NME8: variants seen among roughly 807,000 people sequenced by gnomAD.
NME8 encodes protein NME8.
NME8 carries 72 observed loss-of-function variants against 82.3 expected under a neutral mutation model. The observed-to-expected ratio is 0.87, with a 90% CI of 0.72 to 1.06. The LOEUF (loss-of-function observed/expected upper bound fraction) is 1.06. NME8 is among the 50% of genes least tolerant of loss of function. The pLI is 0.00. For missense variants in NME8, 712 were observed against 685.4 expected (o/e 1.04, Z -0.43); for synonymous variants, 267 against 228.5 (o/e 1.17, Z -1.52).
Position 37,850,404 on chromosome 7 carries a change from G to A in NME8, c.60G>A (p.Trp20Ter), listed in dbSNP as rs757570040. Reference sequence around the variant, plus strand: ...CAGTCATCAATAATCAAAGCCTGTGGGATGAGATGTTGCAGAACAAAGGCT... The same window carrying A: ...CAGTCATCAATAATCAAAGCCTGTGAGATGAGATGTTGCAGAACAAAGGCT... ...LQTVINNQSL[W>*]DEMLQNKGLT... Residue 20 changes from tryptophan to a stop codon, truncating the protein, a stop_gained, in exon 4 of 18, where the codon TGG becomes TGA. Coordinates refer to ENST00000199447, the MANE Select transcript of NME8 (RefSeq NM_016616.5). LOFTEE classifies it high-confidence loss of function. 16 of 1,614,072 alleles carry A rather than the reference G, an allele frequency of 9.9e-6. No homozygotes were observed. In the South Asian group the frequency reaches 1.1e-4, roughly 11 times the overall value.
At chr7:37,859,661 A>T (rs1784569646) in intron 6 of NME8, among the ~76,000 whole-genome samples, 1 of 152,182 alleles carries the variant, frequency 6.6e-6, no homozygotes, top group Admixed American at 6.6e-5. Flanking sequence ...ACCGACCTTC[A>T]GATCAGGTCT....
At chr7:37,876,761 G>A (rs1784859244) in intron 11 of NME8, 71 bp from the exon 12 acceptor site, 1 of 1,122,188 alleles carries the variant, frequency 8.9e-7, no homozygotes, top group Non-Finnish European at 1.3e-6. Context: ...GAACATATCA[G>A]ATTTAATTTG....
intron 11 of NME8, 39 bp from the exon 12 acceptor site, chr7:37,876,793 G>T (rs1784859704): frequency 6.8e-7 from 1 of 1,467,304 alleles, no homozygotes; most frequent in African/African-American, 1.4e-5. Context: ...ATAAACCTCA[G>T]TTTATAATAA....
chr7:37,882,585 A>T (rs1216457666), intron 12 of NME8, among the ~76,000 whole-genome samples: 1 of 55,054 alleles, frequency 1.8e-5, no homozygotes, highest in East Asian at 8.2e-4. Flanking sequence ...GAAAGAAAGA[A>T]AGAAAGAAAG....
intron 10 of NME8, among the ~76,000 whole-genome samples, chr7:37,866,500 A>G (rs543638838): frequency 5.3e-5 from 8 of 152,326 alleles, no homozygotes; most frequent in African/African-American, 1.9e-4. Context: ...CAGACTTACT[A>G]AATCAGAAAC....
chr7:37,851,855 C>G (rs1238784885), intron 5 of NME8, among the ~76,000 whole-genome samples: 2 of 152,208 alleles, frequency 1.3e-5, no homozygotes, highest in African/African-American at 4.8e-5. Flanking sequence ...CCACAACCCA[C>G]TCATGTTCTC....
At chr7:37,876,740 T>C (rs1017833849) in intron 11 of NME8, 92 bp from the exon 12 acceptor site, 7 of 899,394 alleles carry the variant, frequency 7.8e-6, no homozygotes, top group African/African-American at 5.1e-5. Flanking sequence ...ATTAAACTTC[T>C]AGTAATTTCT....
chr7:37,850,593 A>G (rs369447226), intron 4 of NME8, 36 bp from the exon 5 acceptor site: 43 of 1,549,378 alleles, frequency 2.8e-5, no homozygotes, highest in Non-Finnish European at 3.6e-5. Flanking sequence ...CTAGATTGGT[A>G]GACTTTGTTA....
At chr7:37,857,212 G>T (rs1784524291) in intron 5 of NME8, 62 bp from the exon 6 acceptor site, 1 of 1,212,488 alleles carries the variant, frequency 8.2e-7, no homozygotes, top group Non-Finnish European at 1.2e-6. Flanking sequence ...TTTCAACATA[G>T]TGTATCAAAT....
chr7:37,894,662 TATAG>T lies in NME8; in HGVS notation c.1544+54_1544+57del, dbSNP rs1373639220. 4 of 1,471,240 alleles carry T rather than the reference TATAG, an allele frequency of 2.7e-6. No individual in the cohort carries two copies. The South Asian group carries it at 4.9e-5, about 18-fold the overall frequency. The allele number at this position is 1,471,240 out of a possible 1,614,324, so 91.1% of individuals were successfully genotyped here. ...CATTATAAAAGTGGTAAATGTTCATTATAGAAACTTTGAAAAATGCAAAAATTAA... is the reference window on the plus strand; with the variant it reads ...CATTATAAAAGTGGTAAATGTTCATTAAACTTTGAAAAATGCAAAAATTAA... On this transcript the variant is annotated intron_variant, in intron 16 of 17. Coordinates refer to ENST00000199447, the MANE Select transcript of NME8 (RefSeq NM_016616.5).
intron 11 of NME8, among the ~76,000 whole-genome samples, chr7:37,873,719 T>C (rs1784806546): frequency 6.6e-6 from 1 of 152,218 alleles, no homozygotes; most frequent in Admixed American, 6.5e-5. Context: ...TGATTCTATG[T>C]AGAGCACCAT....
Position 37,865,575 on chromosome 7 carries a change from T to C in NME8, c.579T>C (p.Thr193=). 1 of 1,613,554 alleles carries C rather than the reference T, an allele frequency of 6.2e-7. No homozygotes were observed. The highest frequency in any genetic ancestry group is 8.5e-7 in the Non-Finnish European group (1 of 1,179,562). ...IIEAEHKTVL[T]EEQVVNFYSR... ...AAGCAGAGCATAAGACAGTGCTCAC[T>C]GAAGAACAAGTTGTCAACTTCTATA... Residue 193 remains threonine, a synonymous_variant, in exon 10 of 18, where the codon ACT becomes ACC. Transcript: ENST00000199447.
chr7:37,850,771 C>T (rs777200123), intron 5 of NME8, 36 bp downstream of exon 5: 1 of 1,348,978 alleles, frequency 7.4e-7, no homozygotes, highest in Admixed American at 1.7e-5. Flanking sequence ...ACTGTTTTCA[C>T]ATTATATTAA....
chr7:37,876,336 A>G (rs1784852691), intron 11 of NME8, among the ~76,000 whole-genome samples: 1 of 151,938 alleles, frequency 6.6e-6, no homozygotes, highest in African/African-American at 2.4e-5. Flanking sequence ...TCTTTTACAC[A>G]AAGAATACCT....
chr7:37,883,650 T>C (rs1219911194), intron 12 of NME8, among the ~76,000 whole-genome samples: 1 of 152,154 alleles, frequency 6.6e-6, no homozygotes, highest in Non-Finnish European at 1.5e-5. Context: ...AAGCAGAAGA[T>C]GGTGTAGGAC....
chr7:37,881,077 T>C (rs1784937374), intron 12 of NME8, among the ~76,000 whole-genome samples: 2 of 152,202 alleles, frequency 1.3e-5, no homozygotes, highest in South Asian at 2.1e-4. Flanking sequence ...ATTTTCTACA[T>C]AGACAGTCAT....
intron 5 of NME8, among the ~76,000 whole-genome samples, chr7:37,854,984 C>A (rs1784491094): frequency 1.3e-5 from 2 of 152,140 alleles, no homozygotes; most frequent in African/African-American, 4.8e-5. Flanking sequence ...TTCAATGGTG[C>A]AATTCTCCCA....
rs534199812 is a variant in NME8, at chr7:37,863,590, G to A, written c.454+128G>A. On this transcript the variant is annotated intron_variant, in intron 8 of 17. Coordinates refer to ENST00000199447, the MANE Select transcript of NME8 (RefSeq NM_016616.5). ...TTAAGGAGGAATTATTCAGATAAAT[G>A]ATGATTTGGGCCTTGCAAGACTCAG... is the stretch of plus-strand genomic sequence containing the variant. The A allele has an allele frequency of 7.2e-6, 5 of 698,458 alleles. No homozygotes were observed. The East Asian group carries it at 1.0e-4, about 15-fold the overall frequency. The allele number at this position is 698,458 out of a possible 1,614,324, so 43.3% of individuals were successfully genotyped here.
In NME8 at chr7:37,867,784, C is replaced by A. The variant is rs557751451; in HGVS notation, c.704C>A (p.Pro235His). The part of the protein sequence containing the change: ...LVVSQGSKHN[P>H]PSEETEPQTD... ...GTATCTCAAGGAAGTAAACACAATC[C>A]TCCCTCTGAAGAAACCGAACCACAG... Residue 235 changes from proline (P) to histidine (H), a missense_variant, in exon 11 of 18, where the codon CCT (proline) becomes CAT (histidine). Coordinates refer to ENST00000199447, the MANE Select transcript of NME8 (RefSeq NM_016616.5). The A allele has an allele frequency of 3.1e-6, 5 of 1,613,726 alleles. No homozygotes were observed. In the South Asian group the frequency reaches 5.5e-5, roughly 18 times the overall value.
Sources: gnomAD v4.1 joint callset for allele counts (sites outside exome capture counted in the v4.1 genomes callset) on GRCh38, gnomAD v4.1.1 for gene constraint, MANE v1.5 for transcripts, NCBI Gene and HGNC (gene_info 2026-07-23, HGNC 2026-07-21) for gene names.